FRMD4B: variants seen among roughly 807,000 people sequenced by gnomAD.
FRMD4B encodes the protein FERM domain-containing protein 4B.
A neutral mutation model predicts 141.5 loss-of-function variants in FRMD4B; 74 were observed. The ratio of observed to expected loss-of-function variants is 0.52; its 90% CI spans 0.43 to 0.63. The LOEUF (loss-of-function observed/expected upper bound fraction) is 0.63, where lower values mean the gene tolerates loss of function less well. Among genes scored for constraint, FRMD4B ranks in the 30% least tolerant of loss-of-function variants. FRMD4B has a pLI of 0.00. For missense variants in FRMD4B, 1,366 were observed against 1,253.4 expected (o/e 1.09, Z -1.36); for synonymous variants, 506 against 467.9 (o/e 1.08, Z -1.05).
intron 1 of FRMD4B, among the ~76,000 whole-genome samples, chr3:69,338,144 C>A (rs561664954): frequency 6.6e-6 from 1 of 152,260 alleles, no homozygotes; most frequent in South Asian, 2.1e-4. Context: ...AGGATGAGTT[C>A]AGGTCCTTTG....
intron 1 of FRMD4B, among the ~76,000 whole-genome samples, chr3:69,503,254 T>C (rs1474745561): frequency 3.9e-5 from 6 of 152,156 alleles, no homozygotes; most frequent in Non-Finnish European, 7.3e-5. Flanking sequence ...ATTGCAGCAC[T>C]ATTCACAATA....
At chr3:69,433,105 C>A (rs1037446580) in intron 1 of FRMD4B, 8 of 152,174 alleles carry the variant, frequency 5.3e-5, no homozygotes, top group African/African-American at 1.4e-4. Flanking sequence ...AAAATCAGGG[C>A]TGTCAAAGTG....
chr3:69,414,917 G>A (rs1704827638), intron 2 of FRMD4B, among the ~76,000 whole-genome samples: 1 of 142,826 alleles, frequency 7.0e-6, no homozygotes, highest in Non-Finnish European at 1.5e-5. Context: ...CTAGGCTGGA[G>A]TGCAGTAGCG....
intron 2 of FRMD4B, among the ~76,000 whole-genome samples, chr3:69,394,276 C>T (rs144550861): frequency 6.2e-4 from 94 of 152,314 alleles, no homozygotes; most frequent in African/African-American, 2.2e-3. Flanking sequence ...CCATGGGGAC[C>T]CCCAGGCCCA....
intron 5 of FRMD4B, 189 bp from the exon 6 acceptor site, chr3:69,250,288 T>C (rs1483214554): frequency 6.0e-6 from 3 of 501,644 alleles, no homozygotes; most frequent in Non-Finnish European, 6.9e-6. Flanking sequence ...CCACTGTGTG[T>C]GCGTGTGTGT....
At chr3:69,180,788 C>A in intron 21 of FRMD4B, 111 bp downstream of exon 21, 2 of 711,978 alleles carry the variant, frequency 2.8e-6, no homozygotes, top group South Asian at 1.9e-5. Context: ...GAATGGTTGC[C>A]CCACTTTTGA....
At chr3:69,217,450 A>G (rs896833699) in intron 10 of FRMD4B, among the ~76,000 whole-genome samples, 3 of 151,956 alleles carry the variant, frequency 2.0e-5, no homozygotes, top group Admixed American at 6.6e-5. Context: ...GTGAAACCCC[A>G]TCTCCACTAA....
chr3:69,467,028 A>G (rs1705802148), intron 1 of FRMD4B, among the ~76,000 whole-genome samples: 2 of 152,096 alleles, frequency 1.3e-5, no homozygotes, highest in African/African-American at 4.8e-5. Context: ...ATAAAACCTT[A>G]ATTAGAATCC....
intron 8 of FRMD4B, among the ~76,000 whole-genome samples, chr3:69,223,858 A>G (rs1216460444): frequency 1.3e-5 from 2 of 152,114 alleles, no homozygotes; most frequent in Non-Finnish European, 2.9e-5. Context: ...ACAAAAAACT[A>G]TCACTTGAAA....
At position 69,484,768 on chromosome 3, in the gene FRMD4B, C is replaced by T. The variant is rs1706185877; in HGVS notation, c.-128-52007G>A. On this transcript the variant is annotated intron_variant, in intron 1 of 5. Coordinates refer to the FRMD4B transcript ENST00000459638. ...TCCTCTCTGCAGCTGGTCCTCTCAT[C>T]ATCTCTCCATCCTCTCTGACCTCTG... is the stretch of plus-strand genomic sequence containing the variant. 2.6e-5 allele frequency among the ~76,000 whole-genome samples: 4 copies of T among 152,098 alleles called. No individual in the cohort carries two copies. In the South Asian group the frequency reaches 8.3e-4, roughly 32 times the overall value.
chr3:69,329,564 G>C (rs1702300231), intron 1 of FRMD4B, among the ~76,000 whole-genome samples: 1 of 113,964 alleles, frequency 8.8e-6, no homozygotes, highest in Non-Finnish European at 1.6e-5. Context: ...GTCTCACACT[G>C]TTACCTGGGC....
At chr3:69,529,424 G>A (rs1700982001) in intron 1 of FRMD4B, among the ~76,000 whole-genome samples, 1 of 152,056 alleles carries the variant, frequency 6.6e-6, no homozygotes, top group Admixed American at 6.6e-5. Flanking sequence ...GGAGACCAAG[G>A]CCCTAGAGGA....
At chr3:69,357,099 G>T (rs558396672) in intron 1 of FRMD4B, among the ~76,000 whole-genome samples, 2 of 152,292 alleles carry the variant, frequency 1.3e-5, no homozygotes, top group Admixed American at 6.5e-5. Flanking sequence ...GAGTTTGGTG[G>T]GGCTCTAGGT....
intron 1 of FRMD4B, among the ~76,000 whole-genome samples, chr3:69,484,061 T>A (rs1189759311): frequency 1.3e-5 from 2 of 152,244 alleles, no homozygotes; most frequent in African/African-American, 4.8e-5. Flanking sequence ...TTTGAATTTC[T>A]CTTCTTTTTT....
chr3:69,392,064 G>A (rs1314837912), intron 2 of FRMD4B, among the ~76,000 whole-genome samples: 2 of 152,224 alleles, frequency 1.3e-5, no homozygotes, highest in African/African-American at 4.8e-5. Context: ...ATGACTATTT[G>A]TCTTAACGGT....
At chr3:69,496,425 G>C (rs1228959541) in intron 1 of FRMD4B, among the ~76,000 whole-genome samples, 2 of 152,064 alleles carry the variant, frequency 1.3e-5, no homozygotes, top group African/African-American at 4.8e-5. Context: ...TTAAAGATGG[G>C]CGAGTGACCC....
At chr3:69,360,796 A>G (rs1559828981) in intron 1 of FRMD4B, among the ~76,000 whole-genome samples, 1 of 152,178 alleles carries the variant, frequency 6.6e-6, no homozygotes, top group Non-Finnish European at 1.5e-5. Flanking sequence ...ATAGGTCGCC[A>G]CTTGTGTTTT....
chr3:69,353,864 A>G (rs1427835991), intron 1 of FRMD4B, among the ~76,000 whole-genome samples: 1 of 152,228 alleles, frequency 6.6e-6, no homozygotes, highest in Non-Finnish European at 1.5e-5. Context: ...TCTTTTGGCC[A>G]CTCAAACGCT....
At chr3:69,434,459 C>T (rs1313394295) in intron 1 of FRMD4B, among the ~76,000 whole-genome samples, 1 of 152,140 alleles carries the variant, frequency 6.6e-6, no homozygotes, top group Non-Finnish European at 1.5e-5. Context: ...AGATTCCATT[C>T]CTGCCGGCAA....
Sources: gnomAD v4.1 joint callset for allele counts (sites outside exome capture counted in the v4.1 genomes callset) on GRCh38, gnomAD v4.1.1 for gene constraint, MANE v1.5 for transcripts, NCBI Gene and HGNC (gene_info 2026-07-23, HGNC 2026-07-21) for gene names.